SLC9B2: variants seen among roughly 807,000 people sequenced by gnomAD.
SLC9B2 encodes the protein sodium/hydrogen exchanger 9B2.
In SLC9B2, 39 loss-of-function variants were observed where a neutral mutation model predicts 52.2. The observed-to-expected ratio is 0.75, with a 90% CI of 0.58 to 0.98. SLC9B2 has a LOEUF of 0.98. Ranked by LOEUF, SLC9B2 falls within the 50% of genes least tolerant of loss-of-function variation. The probability of loss-of-function intolerance (pLI) is 0.00; values close to 1 mark genes in which losing one functional copy is unlikely to be tolerated. For missense variants in SLC9B2, 626 were observed against 637.5 expected (o/e 0.98, Z 0.19); for synonymous variants, 214 against 227.0 (o/e 0.94, Z 0.51).
intron 9 of SLC9B2, among the ~76,000 whole-genome samples, chr4:103,038,664 A>G (rs992852107): frequency 3.3e-5 from 5 of 152,214 alleles, no homozygotes; most frequent in Non-Finnish European, 5.9e-5. Flanking sequence ...TGGAGGACCA[A>G]CAAAGGAGAA....
chr4:103,028,746 C>G lies in SLC9B2; in HGVS notation c.1392+1G>C. On this transcript the variant is annotated splice_donor_variant, in intron 11 of 11. Coordinates refer to ENST00000394785, the MANE Select transcript of SLC9B2 (RefSeq NM_178833.7). LOFTEE classifies it high-confidence loss of function. ...ATGCTAAGCCATCCTATCCATCATA[C>G]CTGAACTGTGGCCTTTGGAAGCCAT... The G allele has an allele frequency of 6.2e-7, 1 of 1,607,568 alleles. No individual in the cohort carries two copies. The highest frequency in any genetic ancestry group is 8.5e-7 in the Non-Finnish European group (1 of 1,177,808).
intron 11 of SLC9B2, among the ~76,000 whole-genome samples, chr4:103,026,810 A>AAC (rs1742265316): frequency 6.6e-6 from 1 of 152,230 alleles, no homozygotes. Flanking sequence ...CACGTTGTGC[A>AAC]CATGTACCCT....
At position 103,076,275 on chromosome 4, in the gene SLC9B2, G is replaced by C. The variant is rs1462038820; in HGVS notation, c.-134C>G. On this transcript the variant is annotated 5_prime_UTR_variant, in exon 1 of 12. Coordinates refer to ENST00000394785, the MANE Select transcript of SLC9B2 (RefSeq NM_178833.7). ...CGGCGGAGCCCGGTCTAGCCACCGC[G>C]CTCTGGGGTTCCCGATTCGCGCATC... 2 of 152,438 alleles carry C rather than the reference G, an allele frequency of 1.3e-5. No homozygotes were observed. Among genetic ancestry groups the C allele is most frequent in the Admixed American group, 6.5e-5 (1 of 15,290 alleles). 9.4% of individuals were successfully genotyped at this position (152,438 alleles called of 1,614,324 possible). A position where few individuals can be genotyped will look rare whatever the true frequency, so the allele number is the denominator to read the frequency against.
At chr4:103,068,627 T>C (rs1746355797) in intron 1 of SLC9B2, among the ~76,000 whole-genome samples, 1 of 152,210 alleles carries the variant, frequency 6.6e-6, no homozygotes, top group Non-Finnish European at 1.5e-5. Context: ...CTGCCAAGCA[T>C]TGGGGTAATT....
intron 9 of SLC9B2, among the ~76,000 whole-genome samples, chr4:103,039,151 T>C (rs900292025): frequency 4.6e-5 from 7 of 152,212 alleles, no homozygotes; most frequent in African/African-American, 1.7e-4. Context: ...CTTGGGATTA[T>C]ACAGCTAGAA....
At chr4:103,073,553 T>G (rs564220625) in intron 1 of SLC9B2, among the ~76,000 whole-genome samples, 1 of 152,346 alleles carries the variant, frequency 6.6e-6, no homozygotes, top group East Asian at 1.9e-4. Context: ...GAATGAGAAC[T>G]ACCTTATCTG....
chr4:103,049,286 A>G (rs2110618170), intron 5 of SLC9B2, among the ~76,000 whole-genome samples: 1 of 152,342 alleles, frequency 6.6e-6, no homozygotes, highest in Non-Finnish European at 1.5e-5. Context: ...GGCTAAAGGC[A>G]TTTGCCCAAG....
At chr4:103,031,240 A>G (rs1742672947) in intron 10 of SLC9B2, among the ~76,000 whole-genome samples, 1 of 152,208 alleles carries the variant, frequency 6.6e-6, no homozygotes, top group Non-Finnish European at 1.5e-5. Context: ...TTTTGAATCA[A>G]CAGAGTTTTA....
At chr4:103,059,208 C>T (rs936822141) in intron 3 of SLC9B2, among the ~76,000 whole-genome samples, 8 of 151,810 alleles carry the variant, frequency 5.3e-5, no homozygotes, top group African/African-American at 1.9e-4. Context: ...CAAAACAATC[C>T]TAATAAGAGT....
At chr4:103,076,934 AG>A (rs1747239396), upstream of SLC9B2, 1 of 152,240 alleles carries the variant, frequency 6.6e-6, no homozygotes, top group Non-Finnish European at 1.5e-5. Flanking sequence ...GTGGGAAGAT[AG>A]GATTCTTTCT....
chr4:103,038,955 G>T (rs748023576), intron 9 of SLC9B2, among the ~76,000 whole-genome samples: 8 of 152,146 alleles, frequency 5.3e-5, no homozygotes, highest in Non-Finnish European at 1.0e-4. Context: ...GACACAAACA[G>T]AATCTTATAA....
chr4:103,038,378 T>C (rs1743353782), intron 9 of SLC9B2, among the ~76,000 whole-genome samples: 1 of 152,240 alleles, frequency 6.6e-6, no homozygotes, highest in Non-Finnish European at 1.5e-5. Context: ...AATTTGTTTT[T>C]GATTATAACA....
At chr4:103,058,107 T>C (rs1443967881) in intron 3 of SLC9B2, 136 bp from the exon 4 acceptor site, 3 of 847,210 alleles carry the variant, frequency 3.5e-6, no homozygotes, top group Middle Eastern at 3.2e-4. Context: ...CTGTAAAGAG[T>C]ATCAGTAAGA....
rs374420637 is a variant in SLC9B2 at position 103,066,519 on chromosome 4, G to C, written c.91-12C>G. The C allele has an allele frequency of 2.9e-5, 47 of 1,602,626 alleles. No homozygotes were observed. The highest frequency in any genetic ancestry group is 3.7e-5 in the Non-Finnish European group (43 of 1,175,918). On this transcript the variant is annotated splice_polypyrimidine_tract_variant and intron_variant, in intron 2 of 11. Coordinates refer to ENST00000394785, the MANE Select transcript of SLC9B2 (RefSeq NM_178833.7). ...ATAACTGTCTCCTCCTGTGTTTAAA[G>C]TAATTTTAAAAATCCTTAAAACTGT...
At position 103,026,200 on chromosome 4, in the gene SLC9B2, G is replaced by T; in HGVS notation, c.*170C>A. ...CAGAGAGATTAAGGTTGGTGATATAGATCATTACCACCCACATGGAAAGAG... is the reference window on the plus strand; with the variant it reads ...CAGAGAGATTAAGGTTGGTGATATATATCATTACCACCCACATGGAAAGAG... On this transcript the variant is annotated 3_prime_UTR_variant, in exon 12 of 12. Coordinates refer to ENST00000394785, the MANE Select transcript of SLC9B2 (RefSeq NM_178833.7). The T allele has an allele frequency of 3.5e-6, 2 of 571,128 alleles. No individual in the cohort carries two copies. Among genetic ancestry groups the T allele is most frequent in the Non-Finnish European group, 6.1e-6 (2 of 329,036 alleles). 35.4% of individuals were successfully genotyped at this position (571,128 alleles called of 1,614,324 possible). A position where few individuals can be genotyped will look rare whatever the true frequency, so the allele number is the denominator to read the frequency against.
chr4:103,057,030 T>TTTG (rs575638730), intron 4 of SLC9B2, among the ~76,000 whole-genome samples: 9 of 152,076 alleles, frequency 5.9e-5, no homozygotes, highest in Non-Finnish European at 1.3e-4. Context: ...GCTGATTTTT[T>TTTG]TTGTTGTTGT....
rs202159733 is a variant in SLC9B2 at position 103,047,033 on chromosome 4, G to T, written c.889+18C>A. Reference sequence around the variant, plus strand: ...CTAGAATGCAAGAGTAAAGCCTGTTGTGAACTGATTAGGTTACCTGTGGAA... The same window carrying T: ...CTAGAATGCAAGAGTAAAGCCTGTTTTGAACTGATTAGGTTACCTGTGGAA... On this transcript the variant is annotated intron_variant, in intron 7 of 11. Transcript: ENST00000394785. 6 of 1,612,172 alleles carry T rather than the reference G, an allele frequency of 3.7e-6. No homozygotes were observed. Among genetic ancestry groups the T allele is most frequent in the Non-Finnish European group, 5.1e-6 (6 of 1,178,738 alleles).
chr4:103,051,077 A>AG (rs1220132147), intron 4 of SLC9B2, among the ~76,000 whole-genome samples: 2 of 152,242 alleles, frequency 1.3e-5, no homozygotes, highest in African/African-American at 4.8e-5. Flanking sequence ...GAGCTGAGGC[A>AG]GGAAGGGGGA....
At chr4:103,040,132 A>G (rs541097698) in intron 9 of SLC9B2, among the ~76,000 whole-genome samples, 1 of 152,342 alleles carries the variant, frequency 6.6e-6, no homozygotes, top group East Asian at 1.9e-4. Flanking sequence ...CTTCAAAAAA[A>G]TTAAAACTAT....
Sources: allele counts gnomAD v4.1 joint callset (sites outside exome capture counted in the v4.1 genomes callset), GRCh38; gene constraint gnomAD v4.1.1; transcripts MANE v1.5; gene names NCBI Gene and HGNC (gene_info 2026-07-23, HGNC 2026-07-21).